The following PHF21B variants were observed in gnomAD, a reference collection of about 807,000 sequenced individuals.
PHF21B encodes PHD finger protein 4.
PHF21B carries 22 observed loss-of-function variants against 62.2 expected under a neutral mutation model. The observed-to-expected ratio is 0.35, with a 90% CI of 0.25 to 0.51. The LOEUF is 0.51. Ranked by LOEUF, PHF21B falls within the 20% of genes least tolerant of loss-of-function variation. The probability of loss-of-function intolerance (pLI) is 0.97; values close to 1 mark genes in which losing one functional copy is unlikely to be tolerated. For synonymous variants in PHF21B, 341 were observed against 314.7 expected, an observed-to-expected ratio of 1.08 and a Z score of -0.88; for missense variants, 701 against 707.9, an observed-to-expected ratio of 0.99 and a Z score of 0.11.
intron 3 of PHF21B, among the ~76,000 whole-genome samples, chr22:44,919,127 C>T (rs1187795121): frequency 2.0e-5 from 3 of 152,176 alleles, no homozygotes; most frequent in Non-Finnish European, 4.4e-5. Context: ...TCAAGCACTA[C>T]CTCCTCCAGG....
At chr22:44,960,058 G>A (rs2072386738) in intron 2 of PHF21B, among the ~76,000 whole-genome samples, 1 of 152,176 alleles carries the variant, frequency 6.6e-6, no homozygotes, top group Non-Finnish European at 1.5e-5. Context: ...CCTCTCTAAT[G>A]GCTGAAACCT....
At chr22:44,942,807 G>T (rs754107806) in intron 2 of PHF21B, among the ~76,000 whole-genome samples, 6 of 152,182 alleles carry the variant, frequency 3.9e-5, no homozygotes, top group Non-Finnish European at 8.8e-5. Flanking sequence ...GGGTGCAGGA[G>T]TTGGTTCAGC....
rs117158375 is a variant in PHF21B, at chr22:44,931,268, G to T, written c.121-10778C>A. On this transcript the variant is annotated intron_variant, in intron 2 of 12. Transcript: ENST00000313237. ...GACTCCAGAATGCTGCTCATGTCTC[G>T]CTCCGAGGCAATTCTGTTTACTGAG... Among the ~76,000 whole-genome samples the T allele has an allele frequency of 9.2e-3, 1,395 of 152,184 alleles. 11 individuals are homozygous for T. Among genetic ancestry groups the T allele is most frequent in the Middle Eastern group, 0.014 (4 of 294 alleles).
intron 5 of PHF21B, among the ~76,000 whole-genome samples, chr22:44,909,193 C>T (rs1301470291): frequency 6.6e-6 from 1 of 152,238 alleles, no homozygotes. Context: ...CATATGTTTA[C>T]ACTAATTATG....
intron 2 of PHF21B, chr22:45,000,455 A>G (rs1298966044): frequency 6.6e-6 from 1 of 152,222 alleles, no homozygotes; most frequent in African/African-American, 2.4e-5. Context: ...GACACAGCCC[A>G]TGATTCGGTT....
Position 44,891,909 on chromosome 22 carries a change from G to A in PHF21B, c.961-549C>T, listed in dbSNP as rs188223288. Reference sequence around the variant, plus strand: ...GGTGGTTCAAAGTGGCTTTGACTGCGGCTGTTGTAATACTGCGTGGCCAGA... The same window carrying A: ...GGTGGTTCAAAGTGGCTTTGACTGCAGCTGTTGTAATACTGCGTGGCCAGA... On this transcript the variant is annotated intron_variant, in intron 7 of 12. Transcript: ENST00000313237. 9.9e-4 allele frequency among the ~76,000 whole-genome samples: 150 copies of A among 152,228 alleles called. 1 individual carries two copies. Among genetic ancestry groups the A allele is most frequent in the Middle Eastern group, 3.4e-3 (1 of 294 alleles).
chr22:44,985,879 C>G (rs1300438461), intron 2 of PHF21B, among the ~76,000 whole-genome samples: 1 of 150,808 alleles, frequency 6.6e-6, no homozygotes, highest in Non-Finnish European at 1.5e-5. Context: ...ACCACCATCA[C>G]CAGCAGCACC....
At chr22:44,895,839 C>T (rs898528100) in intron 6 of PHF21B, among the ~76,000 whole-genome samples, 193 bp downstream of exon 6, 4 of 152,160 alleles carry the variant, frequency 2.6e-5, no homozygotes, top group African/African-American at 7.2e-5. Context: ...AGACCTCCTG[C>T]GAGGTGGTTT....
At chr22:44,890,028 G>A (rs1227310993) in intron 8 of PHF21B, among the ~76,000 whole-genome samples, 1 of 103,752 alleles carries the variant, frequency 9.6e-6, no homozygotes, top group African/African-American at 3.2e-5. Flanking sequence ...ATGACACCTG[G>A]GCTCACCCCA....
intron 2 of PHF21B, among the ~76,000 whole-genome samples, chr22:44,974,785 A>T (rs561420279): frequency 1.3e-5 from 2 of 152,366 alleles, no homozygotes; most frequent in Admixed American, 1.3e-4. Flanking sequence ...TATGATTTAG[A>T]TCTAATAAGA....
chr22:44,953,436 C>CCA (rs2072233423), intron 2 of PHF21B, among the ~76,000 whole-genome samples: 1 of 152,156 alleles, frequency 6.6e-6, no homozygotes, highest in East Asian at 1.9e-4. Flanking sequence ...GTGTGATCAC[C>CCA]GCTAATTTTC....
In PHF21B at chr22:44,927,069, C is replaced by T. The variant is rs556896007; in HGVS notation, c.121-6579G>A. On this transcript the variant is annotated intron_variant, in intron 2 of 12. Transcript: ENST00000313237. ...TGCCCTTACTTTAGGAATTCACAGC[C>T]GGGGACAGGGAAAGGAGGGGAGACC... Among the ~76,000 whole-genome samples the T allele has an allele frequency of 2.0e-5, 3 of 152,106 alleles. No homozygotes were observed. The East Asian group carries it at 5.8e-4, about 29-fold the overall frequency.
intron 10 of PHF21B, among the ~76,000 whole-genome samples, chr22:44,886,370 AG>A (rs1252793902): frequency 1.4e-5 from 2 of 148,060 alleles, no homozygotes; most frequent in Non-Finnish European, 3.0e-5. Flanking sequence ...CAAAAAAGAA[AG>A]AAGAAAAAAG....
In PHF21B at chr22:44,961,291, CA is replaced by C. The variant is rs199778847; in HGVS notation, c.121-40802del. On this transcript the variant is annotated intron_variant, in intron 2 of 12. Coordinates refer to ENST00000313237, the MANE Select transcript of PHF21B (RefSeq NM_138415.5). ...ACAATTTCAACTTTTATTTTAGATT[CA>C]GGGGGTACAGGTGCAGGTTACATAG... 3.7e-3 allele frequency among the ~76,000 whole-genome samples: 568 copies of C among 152,074 alleles called. 5 individuals carry two copies. Among genetic ancestry groups the C allele is most frequent in the African/African-American group, 0.012 (508 of 41,486 alleles).
At chr22:45,008,828 G>C in intron 1 of PHF21B, 1 of 1,185,088 alleles carries the variant, frequency 8.4e-7, no homozygotes, top group Non-Finnish European at 1.0e-6. Flanking sequence ...AGCTCGCGGG[G>C]CGGGGCGGGG....
At position 44,882,799 on chromosome 22, in the gene PHF21B, A is replaced by C; in HGVS notation, c.*287T>G. On this transcript the variant is annotated 3_prime_UTR_variant, in exon 13 of 13. Coordinates refer to ENST00000313237, the MANE Select transcript of PHF21B (RefSeq NM_138415.5). ...CCGTGGAGAGCAGGGCCTGGAAGCC[A>C]GAGGCCCAGGCAGCCCCGAGGTGGC... 2.7e-6 allele frequency: 1 copy of C among 363,810 alleles called. No homozygotes were observed. Among genetic ancestry groups the C allele is most frequent in the Non-Finnish European group, 5.0e-6 (1 of 200,192 alleles). The allele number at this position is 363,810 out of a possible 1,614,324, so 22.5% of individuals were successfully genotyped here. A position where few individuals can be genotyped will look rare whatever the true frequency, so the allele number is the denominator to read the frequency against.
intron 2 of PHF21B, among the ~76,000 whole-genome samples, chr22:44,932,720 A>G (rs970616138): frequency 6.6e-6 from 1 of 152,240 alleles, no homozygotes; most frequent in African/African-American, 2.4e-5. Flanking sequence ...CGGAATGCCG[A>G]TGACGGCCCA....
rs2070889743 is a variant in PHF21B at position 44,887,977 on chromosome 22, T to C, written c.1183A>G (p.Arg395Gly). Residue 395 changes from arginine to glycine, a missense_variant, in exon 10 of 13, where the codon AGG (arginine) becomes GGG (glycine). Coordinates refer to ENST00000313237, the MANE Select transcript of PHF21B (RefSeq NM_138415.5). ...GCCTCCTGTACCTTCTGCTGGCACC[T>C]GGGGCACACCCACACGCCCTTGGGC... is the stretch of plus-strand genomic sequence containing the variant. ...TAPKGVWVCP[R>G]CQQKALKKDE... 5 of 1,541,376 alleles carry C rather than the reference T, an allele frequency of 3.2e-6. No homozygotes were observed. Among genetic ancestry groups the C allele is most frequent in the Non-Finnish European group, 4.4e-6 (5 of 1,143,218 alleles).
chr22:44,928,957 T>G (rs1020945386), intron 2 of PHF21B, among the ~76,000 whole-genome samples: 2 of 152,148 alleles, frequency 1.3e-5, no homozygotes, highest in African/African-American at 4.8e-5. Context: ...TTCACCAGGC[T>G]GGGGAGGCGA....
Sources: allele counts gnomAD v4.1 joint callset (sites outside exome capture counted in the v4.1 genomes callset), GRCh38; gene constraint gnomAD v4.1.1; transcripts MANE v1.5; gene names NCBI Gene and HGNC (gene_info 2026-07-23, HGNC 2026-07-21).